The following SRSF11 variants were observed in gnomAD, a reference collection of about 807,000 sequenced individuals.
The protein encoded by SRSF11 is serine/arginine-rich splicing factor 11.
SRSF11 carries 9 observed loss-of-function variants against 56.0 expected under a neutral mutation model. The ratio of observed to expected loss-of-function variants is 0.16; its 90% CI spans 0.10 to 0.28. SRSF11 has a LOEUF of 0.28. Among genes scored for constraint, SRSF11 ranks in the 10% least tolerant of loss-of-function variants. The probability of loss-of-function intolerance (pLI) is 1.00; values close to 1 mark genes in which losing one functional copy is unlikely to be tolerated. For missense variants in SRSF11, 421 were observed against 600.7 expected, an observed-to-expected ratio of 0.70 and a Z score of 3.13; for synonymous variants, 222 against 215.3, an observed-to-expected ratio of 1.03 and a Z score of -0.27.
intron 7 of SRSF11, among the ~76,000 whole-genome samples, chr1:70,242,901 C>T (rs1675816720): frequency 6.6e-6 from 1 of 152,126 alleles, no homozygotes; most frequent in Admixed American, 6.5e-5. Flanking sequence ...AAAAGACTTA[C>T]TTCCCATGTC....
chr1:70,252,836 T>A lies in SRSF11; in HGVS notation c.*2031T>A, dbSNP rs1193027271. 1.3e-5 allele frequency: 2 copies of A among 152,210 alleles called. No homozygotes were observed. The highest frequency in any genetic ancestry group is 2.9e-5 in the Non-Finnish European group (2 of 68,032). 9.4% of individuals were successfully genotyped at this position (152,210 alleles called of 1,614,324 possible). A position where few individuals can be genotyped will look rare whatever the true frequency, so the allele number is the denominator to read the frequency against. ...GCTTTTCTAAAGGGAATCATTTTTT[T>A]AAAAGTAGTGCCACTGACAAGATGC... is the stretch of plus-strand genomic sequence containing the variant. On this transcript the variant is annotated 3_prime_UTR_variant, in exon 12 of 12. Coordinates refer to ENST00000370949, the MANE Select transcript of SRSF11 (RefSeq NM_001350605.2).
intron 1 of SRSF11, among the ~76,000 whole-genome samples, chr1:70,210,639 C>T (rs572651646): frequency 3.9e-5 from 6 of 152,234 alleles, no homozygotes; most frequent in South Asian, 2.1e-4. Context: ...GGCTTGACCC[C>T]GGAAGGCCGA....
At chr1:70,221,270 C>G (rs998324626), upstream of SRSF11, 12 of 266,502 alleles carry the variant, frequency 4.5e-5, no homozygotes, top group African/African-American at 1.1e-4. Context: ...CTCTAGACCC[C>G]GGTGCCTCTC....
intron 1 of SRSF11, among the ~76,000 whole-genome samples, chr1:70,225,627 C>A (rs1183747121): frequency 6.6e-6 from 1 of 152,102 alleles, no homozygotes; most frequent in Non-Finnish European, 1.5e-5. Flanking sequence ...TCTCTACAGA[C>A]CCTTAGGTGA....
chr1:70,221,657 C>G lies in SRSF11; in HGVS notation c.21C>G (p.Val7=). Residue 7 remains valine, a synonymous_variant, in exon 1 of 12, where the codon GTC becomes GTG. Transcript: ENST00000370949. MSNTTV[V]PSTAGPGPSG... is the part of the protein sequence containing the mutation. ...GCGCCATGAGCAACACTACCGTCGTCCCCAGCACTGCAGGTCCGGGCCCCA... is the reference window on the plus strand; with the variant it reads ...GCGCCATGAGCAACACTACCGTCGTGCCCAGCACTGCAGGTCCGGGCCCCA... The G allele has an allele frequency of 1.2e-6, 2 of 1,612,340 alleles. No individual in the cohort carries two copies. Among genetic ancestry groups the G allele is most frequent in the Non-Finnish European group, 1.7e-6 (2 of 1,178,930 alleles).
chr1:70,209,288 A>C (rs1225148082), intron 1 of SRSF11, among the ~76,000 whole-genome samples: 1 of 152,224 alleles, frequency 6.6e-6, no homozygotes, highest in African/African-American at 2.4e-5. Context: ...GGGTAAATTG[A>C]GTTAATTTGG....
intron 2 of SRSF11, chr1:70,230,135 T>TA: frequency 1.0e-6 from 1 of 983,912 alleles, no homozygotes; most frequent in Non-Finnish European, 1.2e-6. Flanking sequence ...TCCCTGAACA[T>TA]AATACAGTAT....
intron 7 of SRSF11, 66 bp from the exon 8 acceptor site, chr1:70,244,618 C>T: frequency 5.8e-6 from 9 of 1,544,496 alleles, no homozygotes; most frequent in Non-Finnish European, 7.9e-6. Context: ...TTGTCTGATA[C>T]TAAGCACAAA....
chr1:70,214,437 C>T (rs569605482), intron 1 of SRSF11, among the ~76,000 whole-genome samples: 1 of 152,022 alleles, frequency 6.6e-6, no homozygotes, highest in Non-Finnish European at 1.5e-5. Context: ...GATGCAAGCA[C>T]CAGAATCTTA....
intron 1 of SRSF11, among the ~76,000 whole-genome samples, chr1:70,210,157 G>C (rs71651448): frequency 6.6e-6 from 1 of 150,510 alleles, no homozygotes; most frequent in Non-Finnish European, 1.5e-5. Flanking sequence ...TTCTGCTCCC[G>C]CCCCCCTTTT....
chr1:70,214,116 C>T lies in SRSF11; in HGVS notation c.-25-7496C>T, dbSNP rs554020941. On this transcript the variant is annotated intron_variant, in intron 1 of 12. Coordinates refer to the SRSF11 transcript ENST00000370950. ...TGTTTAATTCCTTGATTACGAAAAA[C>T]GTATTAAAATGCATGAAACTATTAG... Among the ~76,000 whole-genome samples the T allele has an allele frequency of 1.1e-3, 168 of 152,164 alleles. 1 individual carries two copies. The highest frequency in any genetic ancestry group is 3.5e-3 in the African/African-American group (146 of 41,526).
chr1:70,221,857 T>C lies in SRSF11; in HGVS notation c.203+18T>C. 1 of 1,613,392 alleles carries C rather than the reference T, an allele frequency of 6.2e-7. No individual in the cohort carries two copies. Among genetic ancestry groups the C allele is most frequent in the South Asian group, 1.1e-5 (1 of 91,034 alleles). Reference sequence around the variant, plus strand: ...CCGCCGGAGTGAGTATCGTCCACCATCACTGTTCCTGCTAACGCCGCCTCA... The same window carrying C: ...CCGCCGGAGTGAGTATCGTCCACCACCACTGTTCCTGCTAACGCCGCCTCA... On this transcript the variant is annotated intron_variant, in intron 1 of 11. Coordinates refer to ENST00000370949, the MANE Select transcript of SRSF11 (RefSeq NM_001350605.2).
intron 1 of SRSF11, among the ~76,000 whole-genome samples, chr1:70,226,898 T>C (rs1671902920): frequency 6.6e-6 from 1 of 152,260 alleles, no homozygotes; most frequent in Non-Finnish European, 1.5e-5. Context: ...TGTTAAATTT[T>C]ATAGCAGCAG....
At chr1:70,220,671 G>A (rs1308653850), upstream of SRSF11, among the ~76,000 whole-genome samples, 2 of 152,078 alleles carry the variant, frequency 1.3e-5, no homozygotes, top group African/African-American at 4.8e-5. Context: ...CCAACATGGT[G>A]AAACCCCATG....
intron 8 of SRSF11, among the ~76,000 whole-genome samples, chr1:70,246,040 A>G (rs1330222894): frequency 1.3e-5 from 2 of 152,102 alleles, no homozygotes; most frequent in Non-Finnish European, 2.9e-5. Flanking sequence ...CAGAGAAGGG[A>G]AAAAAATGAA....
Position 70,234,726 on chromosome 1 carries a change from G to A in SRSF11, c.478G>A (p.Ala160Thr), listed in dbSNP as rs1477367258. The change falls in exon 4 of 12, where the codon GCT (alanine) becomes ACT (threonine). Residue 160 changes from alanine to threonine, a missense_variant. Coordinates refer to ENST00000370949, the MANE Select transcript of SRSF11 (RefSeq NM_001350605.2). ...IGAVPLAALG[A>T]PTLDPALAAL... ...CGCTGTTCCACTGGCTGCTTTGGGGGCTCCTACTCTTGATCCTGCCCTTGC... is the reference window on the plus strand; with the variant it reads ...CGCTGTTCCACTGGCTGCTTTGGGGACTCCTACTCTTGATCCTGCCCTTGC... 2 of 1,608,472 alleles carry A rather than the reference G, an allele frequency of 1.2e-6. No homozygotes were observed. The highest frequency in any genetic ancestry group is 1.1e-5 in the South Asian group (1 of 90,474).
chr1:70,212,204 GTT>G (rs531484348), intron 1 of SRSF11, among the ~76,000 whole-genome samples: 1 of 152,040 alleles, frequency 6.6e-6, no homozygotes, highest in African/African-American at 2.4e-5. Context: ...TTATTTGATA[GTT>G]TTTTTGTTCT....
rs766396460 is a variant in SRSF11 at position 70,250,439 on chromosome 1, A to G, written c.1193A>G (p.Lys398Arg). The change falls in exon 11 of 12, where the codon AAG becomes AGG. Residue 398 changes from lysine to arginine, a missense_variant. This residue lies in a region of SRSF11 where 253 missense variants were observed against 305.8 expected (regional missense o/e 0.83). Transcript: ENST00000370949. ...RDERERSTSK[K>R]KKSKDKEKDR... ...GAAAGAGAACGATCAACAAGCAAGA[A>G]GAAGAAGAGTAAAGATAAGGAAAAG... The G allele has an allele frequency of 1.2e-4, 191 of 1,593,508 alleles. 2 individuals carry two copies. The East Asian group carries it at 4.1e-3, about 34-fold the overall frequency.
intron 1 of SRSF11, among the ~76,000 whole-genome samples, chr1:70,210,054 A>G (rs1284230338): frequency 1.3e-5 from 2 of 151,948 alleles, no homozygotes; most frequent in Non-Finnish European, 2.9e-5. Flanking sequence ...GGAATAATGC[A>G]TTTGTATATT....
Sources: gnomAD v4.1 joint callset for allele counts (sites outside exome capture counted in the v4.1 genomes callset) on GRCh38, gnomAD v4.1.1 for gene constraint, gnomAD v4.1.1 regional missense constraint, MANE v1.5 for transcripts, NCBI Gene and HGNC (gene_info 2026-07-23, HGNC 2026-07-21) for gene names.